Variants in U2AF2 observed in about 807,000 individuals in gnomAD.
U2AF2 encodes splicing factor U2AF 65 kDa subunit.
A neutral mutation model predicts 52.6 loss-of-function variants in U2AF2; 6 were observed. That is an observed-to-expected ratio of 0.11 (90% CI 0.06 to 0.23). U2AF2 has a LOEUF of 0.23. Among genes scored for constraint, U2AF2 ranks in the 10% least tolerant of loss-of-function variants. The pLI is 1.00. For synonymous variants in U2AF2, 284 were observed against 258.2 expected (o/e 1.10, Z -0.96); for missense variants, 222 against 677.1 (o/e 0.33, Z 7.46).
intron 11 of U2AF2, among the ~76,000 whole-genome samples, chr19:55,672,751 C>CA (rs1600086377): frequency 7.0e-6 from 1 of 143,258 alleles, no homozygotes; most frequent in Non-Finnish European, 1.5e-5. Flanking sequence ...TTTTTTGAGA[C>CA]AGAGTCTCGC....
At chr19:55,673,913 C>G in intron 11 of U2AF2, 21 bp from the exon 12 acceptor site, 1 of 1,600,814 alleles carries the variant, frequency 6.2e-7, no homozygotes, top group Non-Finnish European at 8.5e-7. Context: ...GTTCACAAAC[C>G]TGCCTCTCCT....
chr19:55,670,010 G>A (rs1984791279), intron 11 of U2AF2, among the ~76,000 whole-genome samples: 4 of 152,118 alleles, frequency 2.6e-5, no homozygotes, highest in Admixed American at 2.6e-4. Context: ...CCCCTTATAT[G>A]GCCTGGCTTG....
At chr19:55,665,903 A>G (rs1221101110) in intron 7 of U2AF2, among the ~76,000 whole-genome samples, 1 of 152,158 alleles carries the variant, frequency 6.6e-6, no homozygotes, top group East Asian at 1.9e-4. Context: ...TTGGCCTCCC[A>G]AAGTGTTGGG....
intron 1 of U2AF2, among the ~76,000 whole-genome samples, chr19:55,655,542 T>C (rs1334633867): frequency 2.0e-5 from 3 of 152,268 alleles, no homozygotes; most frequent in African/African-American, 7.2e-5. Context: ...CCCGCTGCCT[T>C]GGCACTTCCG....
At chr19:55,669,829 C>T (rs573330094) in intron 11 of U2AF2, 137 bp downstream of exon 11, 28 of 1,332,208 alleles carry the variant, frequency 2.1e-5, no homozygotes, top group South Asian at 7.6e-5. Context: ...TCTCTCCTCT[C>T]GCAGCGCGTG....
rs1226449858 is a variant in U2AF2, at chr19:55,674,295, C to T, written c.*227C>T. 1.7e-5 allele frequency: 9 copies of T among 521,424 alleles called. No homozygotes were observed. Among genetic ancestry groups the T allele is most frequent in the Non-Finnish European group, 3.1e-5 (9 of 292,280 alleles). 32.3% of individuals were successfully genotyped at this position (521,424 alleles called of 1,614,324 possible). On this transcript the variant is annotated 3_prime_UTR_variant, in exon 12 of 12. Coordinates refer to ENST00000308924, the MANE Select transcript of U2AF2 (RefSeq NM_007279.3). ...GAAGTGCGCACACAGCCCACACAGA[C>T]AACACGCACCCACACAGACACAGAG...
chr19:55,656,520 A>G (rs1162775756), intron 1 of U2AF2, among the ~76,000 whole-genome samples: 1 of 152,218 alleles, frequency 6.6e-6, no homozygotes, highest in Non-Finnish European at 1.5e-5. Flanking sequence ...TAGACTGATT[A>G]TTATTTTCTT....
At chr19:55,660,099 C>T (rs972884841) in intron 2 of U2AF2, 78 bp from the exon 3 acceptor site, 28 of 1,449,084 alleles carry the variant, frequency 1.9e-5, no homozygotes, top group African/African-American at 1.8e-4. Flanking sequence ...GGCTCAGTGC[C>T]CTTGGGGGGG....
intron 1 of U2AF2, among the ~76,000 whole-genome samples, chr19:55,655,858 A>G (rs1460207778): frequency 6.6e-6 from 1 of 152,258 alleles, no homozygotes; most frequent in Non-Finnish European, 1.5e-5. Context: ...CACATCCTGC[A>G]TATGCGGGGC....
rs975397826 is a variant in U2AF2 at position 55,660,364 on chromosome 19, C to T, written c.230+143C>T. The T allele has an allele frequency of 3.6e-6, 4 of 1,118,964 alleles. No homozygotes were observed. The African/African-American group carries it at 6.3e-5, about 18-fold the overall frequency. The allele number at this position is 1,118,964 out of a possible 1,614,324, so 69.3% of individuals were successfully genotyped here. A position where few individuals can be genotyped will look rare whatever the true frequency, so the allele number is the denominator to read the frequency against. On this transcript the variant is annotated intron_variant, in intron 3 of 11. Coordinates refer to ENST00000308924, the MANE Select transcript of U2AF2 (RefSeq NM_007279.3). Reference sequence around the variant, plus strand: ...TACCTTGAAACCAGCACCCCTTTCCCAGGCCCTGCCCCAGACCCTCTCCTT... The same window carrying T: ...TACCTTGAAACCAGCACCCCTTTCCTAGGCCCTGCCCCAGACCCTCTCCTT...
At chr19:55,662,038 C>T (rs1984241028) in intron 5 of U2AF2, 2 of 165,026 alleles carry the variant, frequency 1.2e-5, no homozygotes, top group South Asian at 2.9e-4. Context: ...CCTTTCTGTC[C>T]TTTGCTCGTC....
rs1984655531 is a variant in U2AF2, at chr19:55,668,015, C to T, written c.743-492C>T. 6.6e-6 allele frequency among the ~76,000 whole-genome samples: 1 copy of T among 152,094 alleles called. No homozygotes were observed. Among genetic ancestry groups the T allele is most frequent in the Admixed American group, 6.5e-5 (1 of 15,276 alleles). Reference sequence around the variant, plus strand: ...GGACAGGATGGTCTTATCTCTTGACCTTGTGATCTGCCCGCCTTGGCCTCC... The same window carrying T: ...GGACAGGATGGTCTTATCTCTTGACTTTGTGATCTGCCCGCCTTGGCCTCC... On this transcript the variant is annotated intron_variant, in intron 7 of 11. Transcript: ENST00000308924. This position sits in a 1 kb window ranked among gnomAD's most constrained non-coding sequence, Gnocchi z 5.5.
chr19:55,672,177 T>G (rs1984963925), intron 11 of U2AF2: 1 of 152,116 alleles, frequency 6.6e-6, no homozygotes, highest in Admixed American at 6.6e-5. Flanking sequence ...ATTCTTAAAT[T>G]TTTTGTTACA....
intron 7 of U2AF2, among the ~76,000 whole-genome samples, chr19:55,665,717 C>T (rs1204359830): frequency 6.6e-6 from 1 of 151,722 alleles, no homozygotes; most frequent in African/African-American, 2.4e-5. Flanking sequence ...GGTGTGATCT[C>T]GGCTCACTGC....
chr19:55,662,482 G>C lies in U2AF2; in HGVS notation c.487-20G>C. ...CCTCCCTTCCCCCGCCCCCCCCCTTGTCTCCTATTCCCTCTGCAGGAGGCC... is the reference window on the plus strand; with the variant it reads ...CCTCCCTTCCCCCGCCCCCCCCCTTCTCTCCTATTCCCTCTGCAGGAGGCC... On this transcript the variant is annotated intron_variant, in intron 5 of 11. Transcript: ENST00000308924. The C allele has an allele frequency of 5.1e-6, 4 of 787,730 alleles. No individual in the cohort carries two copies. Among genetic ancestry groups the C allele is most frequent in the Non-Finnish European group, 6.9e-6 (4 of 583,098 alleles). 48.8% of individuals were successfully genotyped at this position (787,730 alleles called of 1,614,324 possible).
At chr19:55,656,623 A>C (rs1206114819) in intron 1 of U2AF2, among the ~76,000 whole-genome samples, 1 of 152,198 alleles carries the variant, frequency 6.6e-6, no homozygotes, top group Non-Finnish European at 1.5e-5. Context: ...TCTTCGCTAA[A>C]CTCTTAGCAT....
At position 55,655,054 on chromosome 19, in the gene U2AF2, G is replaced by A; in HGVS notation, c.-51G>A. 1 of 1,600,142 alleles carries A rather than the reference G, an allele frequency of 6.2e-7. No homozygotes were observed. Among genetic ancestry groups the A allele is most frequent in the East Asian group, 2.3e-5 (1 of 43,616 alleles). On this transcript the variant is annotated 5_prime_UTR_variant, in exon 1 of 12. Transcript: ENST00000308924. ...GGAAGTAGCCGAAGCGGCTGGAGCG[G>A]GCGGCAAGGCGAGGCGAAAGCTGCA...
intron 2 of U2AF2, 58 bp downstream of exon 2, chr19:55,659,403 C>A: frequency 7.0e-7 from 1 of 1,426,066 alleles, no homozygotes; most frequent in South Asian, 1.5e-5. Flanking sequence ...CGGTGTTGGC[C>A]GGCCTGTGGG....
At chr19:55,666,587 A>G (rs1984564464) in intron 7 of U2AF2, among the ~76,000 whole-genome samples, 1 of 152,216 alleles carries the variant, frequency 6.6e-6, no homozygotes, top group Admixed American at 6.5e-5. Context: ...TCCTCGATTG[A>G]ATCAGCACTT....
Sources: allele counts gnomAD v4.1 joint callset (sites outside exome capture counted in the v4.1 genomes callset), GRCh38; gene constraint gnomAD v4.1.1; non-coding constraint Gnocchi (gnomAD v3.1); transcripts MANE v1.5; gene names NCBI Gene and HGNC (gene_info 2026-07-23, HGNC 2026-07-21).